The following PDE11A variants were observed in gnomAD, a reference collection of about 807,000 sequenced individuals.
PDE11A encodes the protein dual 3',5'-cyclic-AMP and -GMP phosphodiesterase 11A.
Under a neutral mutation model 100.5 loss-of-function variants are expected in PDE11A, and 100 were observed. The observed-to-expected ratio is 1.00, with a 90% CI of 0.85 to 1.18. The LOEUF (loss-of-function observed/expected upper bound fraction) is 1.18. PDE11A is among the 50% of genes most tolerant of loss of function. PDE11A has a pLI of 0.00. For missense variants in PDE11A, 1,141 were observed against 1,152.6 expected (o/e 0.99, Z 0.15); for synonymous variants, 381 against 420.8 (o/e 0.91, Z 1.16).
chr2:177,868,127 T>A (rs1038513039), intron 5 of PDE11A, among the ~76,000 whole-genome samples: 4 of 152,046 alleles, frequency 2.6e-5, no homozygotes, highest in Non-Finnish European at 5.9e-5. Context: ...CACACAGATG[T>A]GTAAAGGAAA....
chr2:178,046,996 T>C lies in PDE11A; in HGVS notation c.912+24530A>G, dbSNP rs1436634962. On this transcript the variant is annotated intron_variant, in intron 1 of 19. Transcript: ENST00000286063. The stretch of plus-strand genomic sequence containing the variant: ...GGCCTATCTCATTCCTGTAGACTTA[T>C]TATGTGTTCTTAGATGAATAATTAT... Among the ~76,000 whole-genome samples, 6 of 152,184 alleles carry C rather than the reference T, an allele frequency of 3.9e-5. 1 individual carries two copies. Among genetic ancestry groups the C allele is most frequent in the Non-Finnish European group, 8.8e-5 (6 of 68,020 alleles).
At chr2:177,647,441 T>C (rs369775476) in intron 19 of PDE11A, among the ~76,000 whole-genome samples, 7 of 152,232 alleles carry the variant, frequency 4.6e-5, no homozygotes, top group African/African-American at 1.4e-4. Context: ...AAAGAATGTA[T>C]TCTAGAATAT....
intron 2 of PDE11A, among the ~76,000 whole-genome samples, chr2:177,941,902 G>T (rs1187101821): frequency 6.6e-6 from 1 of 152,136 alleles, no homozygotes; most frequent in Admixed American, 6.5e-5. Flanking sequence ...ACAGGCTCAG[G>T]CAGCATAAAT....
At chr2:177,694,326 T>C (rs2081080451) in intron 15 of PDE11A, among the ~76,000 whole-genome samples, 1 of 152,140 alleles carries the variant, frequency 6.6e-6, no homozygotes, top group South Asian at 2.1e-4. Context: ...ATTCTTCTAC[T>C]TTGAGGAAAA....
intron 19 of PDE11A, among the ~76,000 whole-genome samples, chr2:177,658,646 C>T (rs1212404154): frequency 1.3e-5 from 2 of 151,726 alleles, no homozygotes; most frequent in East Asian, 3.9e-4. Context: ...CCAACTATCT[C>T]TTCCTTTCAT....
chr2:178,094,745 C>T (rs1450332644), intron 2 of PDE11A, among the ~76,000 whole-genome samples: 1 of 152,120 alleles, frequency 6.6e-6, no homozygotes, highest in Non-Finnish European at 1.5e-5. Context: ...TTAATTGCCT[C>T]ACAATTCCAC....
intron 15 of PDE11A, among the ~76,000 whole-genome samples, chr2:177,692,066 T>C (rs754028749): frequency 2.3e-4 from 35 of 152,184 alleles, no homozygotes; most frequent in Non-Finnish European, 4.7e-4. Flanking sequence ...TCTCTACTTA[T>C]ATTAATTTTG....
At chr2:178,051,173 C>T (rs1177767802) in intron 1 of PDE11A, among the ~76,000 whole-genome samples, 1 of 152,194 alleles carries the variant, frequency 6.6e-6, no homozygotes, top group African/African-American at 2.4e-5. Flanking sequence ...AGAAACTCTG[C>T]AAGCCAGAAG....
intron 2 of PDE11A, among the ~76,000 whole-genome samples, chr2:177,996,372 G>C (rs2086074833): frequency 6.6e-6 from 1 of 151,712 alleles, no homozygotes. Context: ...AACAGATTCA[G>C]CCCCAAAAGG....
rs549109612 is a variant in PDE11A, at chr2:178,044,120, T to C, written c.912+27406A>G. Among the ~76,000 whole-genome samples, 3 of 152,196 alleles carry C rather than the reference T, an allele frequency of 2.0e-5. No homozygotes were observed. In the South Asian group the frequency reaches 6.2e-4, roughly 32 times the overall value. Reference sequence around the variant, plus strand: ...TCTTTTTATTTTTTCCAGTCTATGATTAAATATATTAGCAAAGATTGACTT... The same window carrying C: ...TCTTTTTATTTTTTCCAGTCTATGACTAAATATATTAGCAAAGATTGACTT... On this transcript the variant is annotated intron_variant, in intron 1 of 19. Transcript: ENST00000286063.
chr2:177,849,706 C>T (rs1048175537), intron 5 of PDE11A, among the ~76,000 whole-genome samples: 20 of 151,250 alleles, frequency 1.3e-4, no homozygotes, highest in East Asian at 3.9e-4. Context: ...AGGAGAATGG[C>T]GTGAACCCGG....
intron 1 of PDE11A, among the ~76,000 whole-genome samples, chr2:178,044,598 A>C (rs1223962800): frequency 6.6e-6 from 1 of 152,112 alleles, no homozygotes; most frequent in South Asian, 2.1e-4. Flanking sequence ...ACTGCATATG[A>C]TGCCACAAGT....
Position 177,817,940 on chromosome 2 carries a change from T to G in PDE11A, c.1577-15A>C, listed in dbSNP as rs1455389898. On this transcript the variant is annotated splice_polypyrimidine_tract_variant and intron_variant, in intron 7 of 19. Transcript: ENST00000286063. Reference sequence around the variant, plus strand: ...TTGAGCCACTCCTATGGGGAAAGAGTGGATTATGTGGTCATTTTTAGTACT... The same window carrying G: ...TTGAGCCACTCCTATGGGGAAAGAGGGGATTATGTGGTCATTTTTAGTACT... 1 of 1,230,038 alleles carries G rather than the reference T, an allele frequency of 8.1e-7. No homozygotes were observed. Among genetic ancestry groups the G allele is most frequent in the Non-Finnish European group, 1.2e-6 (1 of 832,396 alleles). 76.2% of individuals were successfully genotyped at this position (1,230,038 alleles called of 1,614,324 possible). A position where few individuals can be genotyped will look rare whatever the true frequency, so the allele number is the denominator to read the frequency against.
chr2:177,669,126 T>G (rs911401056), intron 18 of PDE11A, among the ~76,000 whole-genome samples: 1 of 152,244 alleles, frequency 6.6e-6, no homozygotes, highest in African/African-American at 2.4e-5. Flanking sequence ...AAATAAAATC[T>G]AGCTTCTCAA....
chr2:177,666,067 G>A (rs1574023350), intron 18 of PDE11A, among the ~76,000 whole-genome samples: 1 of 152,216 alleles, frequency 6.6e-6, no homozygotes, highest in African/African-American at 2.4e-5. Context: ...ACTATTAGCA[G>A]TCATTCTCGC....
intron 1 of PDE11A, among the ~76,000 whole-genome samples, chr2:178,037,675 G>A (rs1197327821): frequency 2.6e-5 from 4 of 152,126 alleles, no homozygotes; most frequent in Non-Finnish European, 4.4e-5. Context: ...TATACACCAC[G>A]GAATACTATG....
intron 9 of PDE11A, among the ~76,000 whole-genome samples, chr2:177,815,776 T>C (rs1268187289): frequency 6.6e-6 from 1 of 152,252 alleles, no homozygotes. Context: ...CTACTTCTTA[T>C]ATCTGGCTTG....
intron 5 of PDE11A, among the ~76,000 whole-genome samples, chr2:177,864,626 T>C (rs752938827): frequency 3.3e-5 from 5 of 152,006 alleles, no homozygotes; most frequent in Non-Finnish European, 5.9e-5. Context: ...AAGAGACAAA[T>C]TGCCCAGCAA....
chr2:177,669,921 TTATTA>T (rs954775040), intron 17 of PDE11A, among the ~76,000 whole-genome samples: 4 of 152,228 alleles, frequency 2.6e-5, no homozygotes, highest in African/African-American at 7.2e-5. Flanking sequence ...TGTGTAATTA[TTATTA>T]TATTATGTAA....
Sources: gnomAD v4.1 joint callset for allele counts (sites outside exome capture counted in the v4.1 genomes callset) on GRCh38, gnomAD v4.1.1 for gene constraint, MANE v1.5 for transcripts, NCBI Gene and HGNC (gene_info 2026-07-23, HGNC 2026-07-21) for gene names.